ELOVL5: variants seen among roughly 807,000 people sequenced by gnomAD.
ELOVL5 encodes very long chain fatty acid elongase 5.
In ELOVL5, 8 loss-of-function variants were observed where a neutral mutation model predicts 38.6. The observed-to-expected ratio is 0.21, with a 90% confidence interval of 0.12 to 0.37. The LOEUF is 0.37. ELOVL5 is among the 10% of genes least tolerant of loss of function. ELOVL5 has a pLI of 1.00. For missense variants in ELOVL5, 280 were observed against 367.8 expected (o/e 0.76, Z 1.95); for synonymous variants, 127 against 133.7 (o/e 0.95, Z 0.34).
rs752938973 is a variant in ELOVL5 at position 53,348,857 on chromosome 6, A to AGGCGGC, written c.-55_-50dup. 12 of 458,512 alleles carry AGGCGGC rather than the reference A, an allele frequency of 2.6e-5. No homozygotes were observed. The East Asian group carries it at 7.0e-4, about 27-fold the overall frequency. 28.4% of individuals were successfully genotyped at this position (458,512 alleles called of 1,614,324 possible). A position where few individuals can be genotyped will look rare whatever the true frequency, so the allele number is the denominator to read the frequency against. On this transcript the variant is annotated 5_prime_UTR_variant, in exon 1 of 8. Transcript: ENST00000304434. ...GCGGCAGCAGCTTTGAGCAGCAGCA[A>AGGCGGC]GGCGGCGGCGGCGGAGGGAGCGCGG...
chr6:53,298,120 G>T (rs1767091289), intron 1 of ELOVL5, among the ~76,000 whole-genome samples: 2 of 152,152 alleles, frequency 1.3e-5, no homozygotes, highest in Admixed American at 1.3e-4. Flanking sequence ...TCATGATTTT[G>T]TGACACTGAA....
chr6:53,319,270 C>CAAAAAAAAAAAAA (rs59435925), intron 1 of ELOVL5, among the ~76,000 whole-genome samples: 5 of 74,898 alleles, frequency 6.7e-5, no homozygotes, highest in Non-Finnish European at 1.2e-4. Context: ...GACTCCATCT[C>CAAAAAAAAAAAAA]AAAAAAAAAA....
At chr6:53,285,163 C>T (rs1476871597) in intron 3 of ELOVL5, among the ~76,000 whole-genome samples, 4 of 152,140 alleles carry the variant, frequency 2.6e-5, no homozygotes, top group Non-Finnish European at 5.9e-5. Flanking sequence ...CTGGGCCTCT[C>T]GTACCAGGTT....
intron 3 of ELOVL5, chr6:53,277,759 CA>C (rs1272164779): frequency 6.6e-6 from 1 of 152,290 alleles, no homozygotes; most frequent in African/African-American, 2.4e-5. Context: ...AAGCAAGACA[CA>C]AAGTCTGAAT....
chr6:53,280,362 T>C (rs562882032), intron 3 of ELOVL5, among the ~76,000 whole-genome samples: 1 of 152,326 alleles, frequency 6.6e-6, no homozygotes, highest in East Asian at 1.9e-4. Flanking sequence ...TCTGAGGAAC[T>C]GAGATACAAA....
At chr6:53,306,146 T>C (rs959688776) in intron 1 of ELOVL5, among the ~76,000 whole-genome samples, 3 of 145,968 alleles carry the variant, frequency 2.1e-5, no homozygotes, top group African/African-American at 7.7e-5. Context: ...TGAGCCGAGA[T>C]GGCAGCAGCA....
intron 3 of ELOVL5, among the ~76,000 whole-genome samples, chr6:53,287,377 A>C (rs73433447): frequency 6.6e-6 from 1 of 152,192 alleles, no homozygotes; most frequent in Non-Finnish European, 1.5e-5. Context: ...CATTTGGTGG[A>C]GTAATCAGGT....
chr6:53,291,824 C>A lies in ELOVL5; in HGVS notation c.198G>T (p.Val66=). The A allele has an allele frequency of 6.2e-7, 1 of 1,613,862 alleles. No individual in the cohort carries two copies. The highest frequency in any genetic ancestry group is 1.3e-5 in the African/African-American group (1 of 74,968). The change falls in exon 3 of 8, where the codon GTG becomes GTT. Residue 66 remains valine, a synonymous_variant. Transcript: ENST00000304434. ...GCAGTGTGAGTCCAAGGTTATACAC[C>A]ACTAAAATCCCCCGGCAAGAGAATG... ...KQPFSCRGIL[V]VYNLGLTLLS... is the part of the protein sequence containing the mutation.
intron 1 of ELOVL5, 49 bp downstream of exon 1, chr6:53,348,743 CGGCCGCGCGCTCGCGCGGGTGTCAT>C (rs1306965035): frequency 1.3e-5 from 6 of 448,502 alleles, no homozygotes; most frequent in Admixed American, 9.6e-5. Context: ...GACCGCTTCC[CGGCCGCGCGCTCGCGCGGGTGTCAT>C]GGCCGAGCGG....
At chr6:53,319,114 A>G (rs1341312341) in intron 1 of ELOVL5, among the ~76,000 whole-genome samples, 3 of 151,890 alleles carry the variant, frequency 2.0e-5, no homozygotes, top group African/African-American at 7.3e-5. Flanking sequence ...TACTAAAAAT[A>G]CAAAAAATTA....
intron 1 of ELOVL5, chr6:53,337,163 T>C (rs1193092108): frequency 6.6e-6 from 1 of 152,400 alleles, no homozygotes; most frequent in Non-Finnish European, 1.5e-5. Context: ...CGAACATGGA[T>C]GTCCATTCCA....
In ELOVL5 at chr6:53,269,108, G is replaced by GGGT. The variant is rs755114275; in HGVS notation, c.*16_*18dup. 295 of 1,610,952 alleles carry GGGT rather than the reference G, an allele frequency of 1.8e-4. 1 individual carries two copies. The African/African-American group carries it at 3.6e-3, about 20-fold the overall frequency. On this transcript the variant is annotated 3_prime_UTR_variant, in exon 8 of 8. Coordinates refer to ENST00000304434, the MANE Select transcript of ELOVL5 (RefSeq NM_021814.5). ...TTACAATCAGATGACGTGGTTTGGA[G>GGGT]GGTTTCAATTCTTTGACTTCAATCC...
At chr6:53,335,586 A>G (rs1260944928) in intron 1 of ELOVL5, among the ~76,000 whole-genome samples, 1 of 152,118 alleles carries the variant, frequency 6.6e-6, no homozygotes, top group Non-Finnish European at 1.5e-5. Context: ...TGTCACTGTA[A>G]GTATCTGTTT....
At chr6:53,298,940 T>C (rs1048325798) in intron 1 of ELOVL5, among the ~76,000 whole-genome samples, 3 of 150,152 alleles carry the variant, frequency 2.0e-5, no homozygotes, top group African/African-American at 7.4e-5. Flanking sequence ...GAGGAACTTG[T>C]CAGAAACAGA....
At chr6:53,296,466 G>A (rs958988955) in intron 1 of ELOVL5, among the ~76,000 whole-genome samples, 10 of 152,000 alleles carry the variant, frequency 6.6e-5, no homozygotes, top group African/African-American at 2.4e-4. Context: ...TGCTCTCAGT[G>A]AGAATGAATA....
intron 1 of ELOVL5, among the ~76,000 whole-genome samples, chr6:53,344,706 T>C (rs778238049): frequency 2.6e-5 from 4 of 152,200 alleles, no homozygotes; most frequent in Admixed American, 6.5e-5. Flanking sequence ...CAGTAAGAGT[T>C]AGCCATTATT....
chr6:53,279,074 A>G (rs1329050154), intron 3 of ELOVL5, among the ~76,000 whole-genome samples: 1 of 152,176 alleles, frequency 6.6e-6, no homozygotes, highest in East Asian at 1.9e-4. Flanking sequence ...AGCCCATTAA[A>G]CCCTAGCTTT....
chr6:53,275,594 C>T (rs1352969218), intron 4 of ELOVL5, among the ~76,000 whole-genome samples: 1 of 152,192 alleles, frequency 6.6e-6, no homozygotes, highest in Non-Finnish European at 1.5e-5. Context: ...TGGAAGCAGC[C>T]TGCACAGCCA....
At chr6:53,297,333 T>C (rs890645723) in intron 1 of ELOVL5, among the ~76,000 whole-genome samples, 20 of 152,200 alleles carry the variant, frequency 1.3e-4, no homozygotes, top group Non-Finnish European at 1.5e-5. Context: ...AGATTTCAAT[T>C]ACCTGAAATC....
Sources: gnomAD v4.1 joint callset for allele counts (sites outside exome capture counted in the v4.1 genomes callset) on GRCh38, gnomAD v4.1.1 for gene constraint, MANE v1.5 for transcripts, NCBI Gene and HGNC (gene_info 2026-07-23, HGNC 2026-07-21) for gene names.